The following TKT variants were observed in gnomAD, a reference collection of about 807,000 sequenced individuals.
The protein encoded by TKT is epididymis luminal protein 107.
A neutral mutation model predicts 63.9 loss-of-function variants in TKT; 47 were observed. That is an observed-to-expected ratio of 0.74 (90% CI 0.58 to 0.94). TKT has a LOEUF of 0.94. Among genes scored for constraint, TKT ranks in the 40% least tolerant of loss-of-function variants. TKT has a pLI of 0.00. For synonymous variants in TKT, 338 were observed against 334.1 expected (o/e 1.01, Z -0.13); for missense variants, 721 against 846.2 (o/e 0.85, Z 1.84).
chr3:53,244,642 C>T lies in TKT; in HGVS notation c.108-2400G>A, dbSNP rs528613679. Among the ~76,000 whole-genome samples the T allele has an allele frequency of 5.3e-5, 8 of 152,256 alleles. No homozygotes were observed. The South Asian group carries it at 6.2e-4, about 12-fold the overall frequency. On this transcript the variant is annotated intron_variant, in intron 1 of 13. Transcript: ENST00000462138. ...GTTACTTTCAAGCTCAACTTCCTAG[C>T]GGGCCTTTGGGGCCAAAGGCATACA...
intron 4 of TKT, among the ~76,000 whole-genome samples, chr3:53,236,719 G>C (rs1387341120): frequency 6.6e-6 from 1 of 152,232 alleles, no homozygotes; most frequent in Non-Finnish European, 1.5e-5. Context: ...TCGAACCGAG[G>C]CTAGCACTGG....
rs182839266 is a variant in TKT at position 53,245,913 on chromosome 3, A to T, written c.108-3671T>A. On this transcript the variant is annotated intron_variant, in intron 1 of 13. Coordinates refer to ENST00000462138, the MANE Select transcript of TKT (RefSeq NM_001064.4). ...CGAAGATGCACATCCCTTAACTCCC[A>T]GCAACTTCACCAGTAGGAACATACA... Among the ~76,000 whole-genome samples the T allele has an allele frequency of 4.2e-4, 64 of 152,322 alleles. 2 individuals carry two copies. In the East Asian group the frequency reaches 0.012, roughly 28 times the overall value.
At chr3:53,242,431 T>C (rs1039933468) in intron 1 of TKT, among the ~76,000 whole-genome samples, 189 bp from the exon 2 acceptor site, 1 of 152,114 alleles carries the variant, frequency 6.6e-6, no homozygotes, top group Non-Finnish European at 1.5e-5. Flanking sequence ...TCCTGGCAGT[T>C]TGGGGCCTGG....
chr3:53,226,554 C>A, intron 13 of TKT: 1 of 637,096 alleles, frequency 1.6e-6, no homozygotes, highest in Non-Finnish European at 2.6e-6. Context: ...CTCCACAGAG[C>A]TCATCAGCAG....
rs1553680032 is a variant in TKT at position 53,242,149 on chromosome 3, G to A, written c.201C>T (p.His67=). Residue 67 remains histidine, a synonymous_variant, in exon 2 of 14, where the codon CAC becomes CAT. Coordinates refer to ENST00000462138, the MANE Select transcript of TKT (RefSeq NM_001064.4). ...CCTTGGAGAGCACAAAGCGGTCATT[G>A]TGCGGATTCCGGGGGTCCTGGGACT... ...RYKSQDPRNP[H]NDRFVLSKGH... is the part of the protein sequence containing the mutation. 3 of 1,614,144 alleles carry A rather than the reference G, an allele frequency of 1.9e-6. No individual in the cohort carries two copies. Among genetic ancestry groups the A allele is most frequent in the African/African-American group, 2.7e-5 (2 of 75,046 alleles).
Position 53,256,007 on chromosome 3 carries a change from A to C in TKT, c.-65T>G. The C allele has an allele frequency of 3.5e-6, 4 of 1,129,354 alleles. No homozygotes were observed. Among genetic ancestry groups the C allele is most frequent in the Non-Finnish European group, 1.2e-6 (1 of 857,750 alleles). 70.0% of individuals were successfully genotyped at this position (1,129,354 alleles called of 1,614,324 possible). On this transcript the variant is annotated 5_prime_UTR_variant, in exon 1 of 14. Transcript: ENST00000462138. ...AGAGATAGCGGCTGCTCCCGCGGCG[A>C]CAGGCGGCTGCCGAGGCCGGGCGCG...
chr3:53,250,078 C>T (rs2106728564), intron 1 of TKT, among the ~76,000 whole-genome samples: 1 of 152,334 alleles, frequency 6.6e-6, no homozygotes, highest in East Asian at 1.9e-4. Context: ...ACACCGACCA[C>T]CAGCCCTGCA....
At position 53,225,889 on chromosome 3, in the gene TKT, G is replaced by A; in HGVS notation, c.1739C>T (p.Pro580Leu). The A allele has an allele frequency of 6.2e-7, 1 of 1,613,812 alleles. No individual in the cohort carries two copies. The highest frequency in any genetic ancestry group is 8.5e-7 in the Non-Finnish European group (1 of 1,179,988). ...TGCCAGGTGGGTGACAGTGATGCCA[G>A]GCTCGCCCACTACTGCACTGGACAC... ...EAVSSAVVGEPGITVTHLAVN... is the reference protein window; with the variant it reads ...EAVSSAVVGELGITVTHLAVN... The change falls in exon 14 of 14, where the codon CCT (proline) becomes CTT (leucine). Residue 580 changes from proline (P) to leucine (L), a missense_variant. Physicochemically the swap from Pro to Leu is moderately conservative, Grantham distance 98. Transcript: ENST00000462138.
intron 3 of TKT, among the ~76,000 whole-genome samples, 192 bp from the exon 4 acceptor site, chr3:53,240,540 C>T (rs543644431): frequency 6.6e-6 from 1 of 152,226 alleles, no homozygotes; most frequent in African/African-American, 2.4e-5. Context: ...AAATCCCAGC[C>T]CTGCCCACTA....
intron 5 of TKT, chr3:53,234,720 A>ATGGTGTG: frequency 2.7e-6 from 1 of 366,048 alleles, no homozygotes; most frequent in South Asian, 5.7e-5. Flanking sequence ...CTGACGTGAG[A>ATGGTGTG]TGGTGTGTGG....
intron 5 of TKT, chr3:53,233,507 TTCC>T (rs1403665724): frequency 1.4e-5 from 6 of 439,698 alleles, no homozygotes; most frequent in Non-Finnish European, 2.4e-5. Context: ...TGAACAGGTT[TTCC>T]TCCTCCTCTT....
At position 53,240,278 on chromosome 3, in the gene TKT, T is replaced by C; in HGVS notation, c.410A>G (p.Tyr137Cys). ...GGCCTTGTCGAAGTATTTGCCGGTG[T>C]AGGCCATCCCACAAGCGGCCCCGAG... The part of the protein sequence containing the change: ...QGLGAACGMA[Y>C]TGKYFDKASY... The change falls in exon 4 of 14, where the codon TAC becomes TGC. Residue 137 changes from tyrosine (Y) to cysteine (C), a missense_variant. Physicochemically the swap from Tyr to Cys is radical, Grantham distance 194 (BLOSUM62 -2). Coordinates refer to ENST00000462138, the MANE Select transcript of TKT (RefSeq NM_001064.4). The C allele has an allele frequency of 6.2e-7, 1 of 1,613,536 alleles. No individual in the cohort carries two copies.
intron 13 of TKT, 72 bp downstream of exon 13, chr3:53,226,684 G>C (rs1553675564): frequency 1.2e-6 from 2 of 1,606,720 alleles, no homozygotes; most frequent in African/African-American, 2.7e-5. Context: ...GGCTCAGATA[G>C]AAGAGGCACG....
At chr3:53,238,590 G>C (rs989437158) in intron 4 of TKT, among the ~76,000 whole-genome samples, 1 of 152,182 alleles carries the variant, frequency 6.6e-6, no homozygotes, top group Admixed American at 6.5e-5. Context: ...TGGAGGACAG[G>C]GCAGTGGAGA....
intron 1 of TKT, among the ~76,000 whole-genome samples, chr3:53,252,276 T>C (rs1553681739): frequency 6.6e-6 from 1 of 152,238 alleles, no homozygotes; most frequent in Non-Finnish European, 1.5e-5. Flanking sequence ...CTATGCCTCA[T>C]TGCAGAGAGG....
intron 12 of TKT, 32 bp downstream of exon 12, chr3:53,228,024 A>T (rs782219783): frequency 6.3e-7 from 1 of 1,599,268 alleles, no homozygotes; most frequent in South Asian, 1.1e-5. Flanking sequence ...GTGGCCGCTC[A>T]GTTGATGACT....
At chr3:53,255,322 G>C (rs997116385) in intron 1 of TKT, among the ~76,000 whole-genome samples, 8 of 152,200 alleles carry the variant, frequency 5.3e-5, no homozygotes, top group South Asian at 2.1e-4. Context: ...GAGTCGGACT[G>C]CTGGGGCTCA....
intron 6 of TKT, chr3:53,232,564 G>A (rs990680758): frequency 7.5e-6 from 3 of 398,582 alleles, no homozygotes; most frequent in African/African-American, 6.2e-5. Flanking sequence ...CTTTAAAATG[G>A]GTGAGGCCAT....
chr3:53,231,549 C>G lies in TKT; in HGVS notation c.750G>C (p.Gly250=). 6.2e-7 allele frequency: 1 copy of G among 1,613,092 alleles called. No homozygotes were observed. Among genetic ancestry groups the G allele is most frequent in the Non-Finnish European group, 8.5e-7 (1 of 1,179,502 alleles). The change falls in exon 7 of 14, where the codon GGG becomes GGC. Residue 250 remains glycine, a splice_region_variant and synonymous_variant. Transcript: ENST00000462138. ...CATGCCAAGACTCCTTATCTTCTAC[C>G]CCTGCAGACCCAACACGGGAGGACA... ...AKTFKGRGIT[G]VEDKESWHGK...
Sources: allele counts gnomAD v4.1 joint callset (sites outside exome capture counted in the v4.1 genomes callset), GRCh38; gene constraint gnomAD v4.1.1; transcripts MANE v1.5; gene names NCBI Gene and HGNC (gene_info 2026-07-23, HGNC 2026-07-21).